Variants in TMPRSS15 observed in about 807,000 individuals in gnomAD.
TMPRSS15 encodes the protein transmembrane serine protease 15, also known as enteropeptidase.
A neutral mutation model predicts 125.3 loss-of-function variants in TMPRSS15; 128 were observed. That is an observed-to-expected ratio of 1.02 (90% confidence interval 0.89 to 1.18). TMPRSS15 has a LOEUF of 1.18. Ranked by LOEUF, TMPRSS15 falls within the 50% of genes most tolerant of loss-of-function variation. The pLI is 0.00. For missense variants in TMPRSS15, 1,283 were observed against 1,212.7 expected (o/e 1.06, Z -0.86); for synonymous variants, 446 against 423.2 (o/e 1.05, Z -0.66).
chr21:18,471,849 AGGC>A, intron 1 of TMPRSS15, among the ~76,000 whole-genome samples: 1 of 151,780 alleles, frequency 6.6e-6, no homozygotes. Flanking sequence ...GGCAAAAAAA[AGGC>A]AGGAGAATTC....
At chr21:18,463,197 T>A (rs1978584705) in intron 1 of TMPRSS15, among the ~76,000 whole-genome samples, 1 of 108,768 alleles carries the variant, frequency 9.2e-6, no homozygotes, top group Non-Finnish European at 1.7e-5. Flanking sequence ...AAAACACGCA[T>A]AGGCTCAAAA....
intron 1 of TMPRSS15, among the ~76,000 whole-genome samples, chr21:18,401,183 G>T (rs1251226578): frequency 1.3e-5 from 2 of 152,084 alleles, no homozygotes; most frequent in African/African-American, 2.4e-5. Context: ...ATTTCTCAAA[G>T]AACCTAAAAC....
chr21:18,420,770 C>T (rs1042090186), intron 1 of TMPRSS15, among the ~76,000 whole-genome samples: 1 of 152,178 alleles, frequency 6.6e-6, no homozygotes, highest in Non-Finnish European at 1.5e-5. Flanking sequence ...CACTTTGGCT[C>T]TACTCAGATA....
At position 18,314,381 on chromosome 21, in the gene TMPRSS15, C is replaced by T. The variant is rs756543112; in HGVS notation, c.2032+765G>A. ...GCAACCTCCGCCTCCCAGGTTCAAGCGATTCTCCTGCCTCAGCCTCCGGAG... is the reference window on the plus strand; with the variant it reads ...GCAACCTCCGCCTCCCAGGTTCAAGTGATTCTCCTGCCTCAGCCTCCGGAG... On this transcript the variant is annotated intron_variant, in intron 17 of 24. Coordinates refer to ENST00000284885, the MANE Select transcript of TMPRSS15 (RefSeq NM_002772.3). Among the ~76,000 whole-genome samples, 10 of 152,218 alleles carry T rather than the reference C, an allele frequency of 6.6e-5. No individual in the cohort carries two copies. In the East Asian group the frequency reaches 9.7e-4, roughly 15 times the overall value.
At chr21:18,417,158 A>T (rs2076182391) in intron 1 of TMPRSS15, among the ~76,000 whole-genome samples, 1 of 152,108 alleles carries the variant, frequency 6.6e-6, no homozygotes, top group African/African-American at 2.4e-5. Context: ...ATTTTGGAGT[A>T]TGTATAACCT....
At chr21:18,463,586 G>A (rs2122953977) in intron 1 of TMPRSS15, among the ~76,000 whole-genome samples, 13 of 152,174 alleles carry the variant, frequency 8.5e-5, no homozygotes, top group Non-Finnish European at 1.8e-4. Flanking sequence ...ACTCAGCTCA[G>A]GACCTAGCAG....
At position 18,401,645 on chromosome 21, in the gene TMPRSS15, G is replaced by T. The variant is rs140096861; in HGVS notation, c.145+1833C>A. ...CTTCTGGGTACTATGCTCAGTACCT[G>T]GGTGATGGGATCATTCATACCCCAA... On this transcript the variant is annotated intron_variant, in intron 1 of 24. Coordinates refer to ENST00000284885, the MANE Select transcript of TMPRSS15 (RefSeq NM_002772.3). Among the ~76,000 whole-genome samples the T allele has an allele frequency of 2.0e-5, 3 of 152,180 alleles. No homozygotes were observed. In the East Asian group the frequency reaches 5.8e-4, roughly 29 times the overall value.
At chr21:18,397,582 T>A (rs2076052016) in intron 3 of TMPRSS15, among the ~76,000 whole-genome samples, 1 of 152,138 alleles carries the variant, frequency 6.6e-6, no homozygotes, top group African/African-American at 2.4e-5. Context: ...CAAGCAAGCT[T>A]TTTCCAAATG....
intron 16 of TMPRSS15, among the ~76,000 whole-genome samples, chr21:18,317,849 C>T (rs1601326826): frequency 2.1e-5 from 2 of 96,078 alleles, no homozygotes; most frequent in Non-Finnish European, 2.0e-5. Context: ...CATCCCATCC[C>T]ATCCCATCCC....
chr21:18,365,704 T>TTC (rs1169920520), intron 6 of TMPRSS15, among the ~76,000 whole-genome samples: 3 of 139,962 alleles, frequency 2.1e-5, no homozygotes, highest in Non-Finnish European at 3.1e-5. Context: ...CCTTCCTACC[T>TTC]TCTCTCTCTC....
upstream of TMPRSS15, among the ~76,000 whole-genome samples, chr21:18,405,082 T>G (rs1305387638): frequency 6.6e-6 from 1 of 152,110 alleles, no homozygotes; most frequent in African/African-American, 2.4e-5. Flanking sequence ...GCACAATGAC[T>G]GTTTTCTTTG....
chr21:18,437,839 A>G (rs2076231315), intron 1 of TMPRSS15, among the ~76,000 whole-genome samples: 1 of 152,074 alleles, frequency 6.6e-6, no homozygotes, highest in Non-Finnish European at 1.5e-5. Flanking sequence ...GGTGCTGGAG[A>G]GGATGTGGAG....
At chr21:18,365,989 A>C (rs1308828357) in intron 6 of TMPRSS15, among the ~76,000 whole-genome samples, 2 of 150,560 alleles carry the variant, frequency 1.3e-5, no homozygotes, top group East Asian at 3.9e-4. Context: ...CACTCCTAGG[A>C]CTCCCAAAAT....
chr21:18,329,728 T>A (rs1337220424), intron 14 of TMPRSS15, among the ~76,000 whole-genome samples: 1 of 151,644 alleles, frequency 6.6e-6, no homozygotes, highest in Non-Finnish European at 1.5e-5. Context: ...ATATTTATTT[T>A]AAAATTTTTG....
chr21:18,437,878 G>C (rs979337188), intron 1 of TMPRSS15, among the ~76,000 whole-genome samples: 6 of 151,732 alleles, frequency 4.0e-5, no homozygotes, highest in African/African-American at 1.5e-4. Flanking sequence ...ACTGTTGGTG[G>C]GACTGTAAAC....
intron 23 of TMPRSS15, among the ~76,000 whole-genome samples, chr21:18,277,578 T>C (rs1054721806): frequency 1.2e-4 from 19 of 152,224 alleles, no homozygotes; most frequent in Non-Finnish European, 1.9e-4. Context: ...TGAGGCATTT[T>C]CAGCAATACA....
At chr21:18,296,109 C>T (rs916632976) in intron 19 of TMPRSS15, among the ~76,000 whole-genome samples, 3 of 152,090 alleles carry the variant, frequency 2.0e-5, no homozygotes, top group Non-Finnish European at 2.9e-5. Context: ...GCCGAGATCA[C>T]GCCACTGCAC....
Position 18,378,323 on chromosome 21 carries a change from G to GT in TMPRSS15, c.532+959dup, listed in dbSNP as rs560611122. 2.5e-3 allele frequency among the ~76,000 whole-genome samples: 375 copies of GT among 152,080 alleles called. 3 individuals are homozygous for GT. Among genetic ancestry groups the GT allele is most frequent in the Non-Finnish European group, 2.4e-3 (163 of 67,928 alleles). On this transcript the variant is annotated intron_variant, in intron 5 of 24. Transcript: ENST00000284885. ...TGGGCTCAGTGGCAGGCTTTCTTTTGTTTTTTGTCAATATGTTGTGGTGCT... is the reference window on the plus strand; with the variant it reads ...TGGGCTCAGTGGCAGGCTTTCTTTTGTTTTTTTGTCAATATGTTGTGGTGCT...
intron 1 of TMPRSS15, among the ~76,000 whole-genome samples, chr21:18,485,097 G>A (rs1979053781): frequency 6.6e-6 from 1 of 151,704 alleles, no homozygotes; most frequent in Non-Finnish European, 1.5e-5. Context: ...TTAAAACCAT[G>A]ATCTTTTTGG....
Sources: allele counts gnomAD v4.1 joint callset (sites outside exome capture counted in the v4.1 genomes callset), GRCh38; gene constraint gnomAD v4.1.1; transcripts MANE v1.5; gene names NCBI Gene and HGNC (gene_info 2026-07-23, HGNC 2026-07-21).